NRG3: variants seen among roughly 807,000 people sequenced by gnomAD.
NRG3 encodes pro-neuregulin-3, membrane-bound isoform.
NRG3 carries 31 observed loss-of-function variants against 66.9 expected under a neutral mutation model. The ratio of observed to expected loss-of-function variants is 0.46; its 90% CI spans 0.35 to 0.63. NRG3 has a LOEUF of 0.63. Among genes scored for constraint, NRG3 ranks in the 20% least tolerant of loss-of-function variants. The probability of loss-of-function intolerance (pLI) is 0.00; values close to 1 mark genes in which losing one functional copy is unlikely to be tolerated. For missense variants in NRG3, 910 were observed against 878.9 expected, an observed-to-expected ratio of 1.04 and a Z score of -0.45; for synonymous variants, 393 against 359.4, an observed-to-expected ratio of 1.09 and a Z score of -1.06.
chr10:82,762,350 A>C (rs1340279470), intron 3 of NRG3, among the ~76,000 whole-genome samples: 1 of 152,132 alleles, frequency 6.6e-6, no homozygotes, highest in Non-Finnish European at 1.5e-5. Context: ...AGAATTATAA[A>C]ATTAAATTTT....
chr10:82,601,147 G>T (rs1437193606), intron 2 of NRG3, among the ~76,000 whole-genome samples: 1 of 152,156 alleles, frequency 6.6e-6, no homozygotes, highest in Non-Finnish European at 1.5e-5. Flanking sequence ...TGGCTGTGTA[G>T]TGTTCCATGG....
chr10:82,078,797 G>A (rs1056787360), intron 1 of NRG3, among the ~76,000 whole-genome samples: 3 of 152,180 alleles, frequency 2.0e-5, no homozygotes, highest in African/African-American at 7.2e-5. Context: ...AATGGTGTGG[G>A]GCTCATAAGT....
At chr10:81,922,450 C>T (rs1846344385) in intron 1 of NRG3, among the ~76,000 whole-genome samples, 1 of 152,174 alleles carries the variant, frequency 6.6e-6, no homozygotes. Flanking sequence ...TATTATTCCA[C>T]ACTCTATGTG....
chr10:82,739,396 C>T (rs1200177349), intron 3 of NRG3, among the ~76,000 whole-genome samples: 3 of 152,098 alleles, frequency 2.0e-5, no homozygotes, highest in Non-Finnish European at 4.4e-5. Flanking sequence ...ATTGAATCAG[C>T]GATTTAGTTT....
intron 2 of NRG3, among the ~76,000 whole-genome samples, chr10:82,601,060 C>T (rs1173694614): frequency 1.3e-5 from 2 of 152,142 alleles, no homozygotes; most frequent in African/African-American, 4.8e-5. Context: ...TTTTCTGTTT[C>T]TATGTCAGTT....
intron 2 of NRG3, among the ~76,000 whole-genome samples, chr10:82,359,111 A>G (rs1354662114): frequency 6.6e-6 from 1 of 152,242 alleles, no homozygotes; most frequent in East Asian, 1.9e-4. Flanking sequence ...ACAAAGATTT[A>G]CTTTTAGATC....
chr10:82,243,370 C>T (rs1011057006), intron 1 of NRG3, among the ~76,000 whole-genome samples: 1 of 151,896 alleles, frequency 6.6e-6, no homozygotes, highest in Non-Finnish European at 1.5e-5. Context: ...ATGGAGAAGA[C>T]ATAATCAAAG....
chr10:82,344,085 T>A (rs11595415), intron 1 of NRG3, among the ~76,000 whole-genome samples: 1 of 151,726 alleles, frequency 6.6e-6, no homozygotes, highest in Admixed American at 6.6e-5. Context: ...TATTATACTT[T>A]AAGTTTTAGG....
chr10:82,932,669 G>A (rs538849774), intron 4 of NRG3, among the ~76,000 whole-genome samples: 9 of 152,258 alleles, frequency 5.9e-5, no homozygotes, highest in South Asian at 2.1e-4. Flanking sequence ...ACAGTGGAGC[G>A]TCTGGCACTC....
At chr10:82,149,705 CTGTT>C (rs1280667560) in intron 1 of NRG3, among the ~76,000 whole-genome samples, 1 of 140,566 alleles carries the variant, frequency 7.1e-6, no homozygotes, top group Non-Finnish European at 1.5e-5. Context: ...TTAGAAAGCT[CTGTT>C]TTTTTTTTTT....
intron 1 of NRG3, among the ~76,000 whole-genome samples, chr10:82,339,212 A>G (rs1165117646): frequency 6.6e-6 from 1 of 152,236 alleles, no homozygotes; most frequent in Non-Finnish European, 1.5e-5. Flanking sequence ...GTGACATTTT[A>G]GGGGTTAATG....
At chr10:82,150,536 A>C (rs1392138922) in intron 1 of NRG3, among the ~76,000 whole-genome samples, 7 of 148,468 alleles carry the variant, frequency 4.7e-5, no homozygotes, top group Admixed American at 6.7e-5. Flanking sequence ...CACACAAAAA[A>C]AAAAAAAAAA....
At chr10:82,312,210 G>A (rs908639373) in intron 1 of NRG3, among the ~76,000 whole-genome samples, 10 of 152,094 alleles carry the variant, frequency 6.6e-5, no homozygotes, top group African/African-American at 2.4e-4. Context: ...CACAGGAAAC[G>A]ATCAAAAGAA....
At chr10:82,608,835 C>T (rs772700909) in intron 2 of NRG3, among the ~76,000 whole-genome samples, 3 of 152,048 alleles carry the variant, frequency 2.0e-5, no homozygotes, top group Non-Finnish European at 2.9e-5. Context: ...CCCCCTGACT[C>T]ACACACACAA....
At chr10:81,943,049 A>G (rs752109865) in intron 1 of NRG3, among the ~76,000 whole-genome samples, 3 of 152,094 alleles carry the variant, frequency 2.0e-5, no homozygotes, top group East Asian at 3.9e-4. Flanking sequence ...ACATGGACAT[A>G]TTTTACACTT....
rs1054279536 is a variant in NRG3 at position 82,413,017 on chromosome 10, T to A, written c.953+54149T>A. Among the ~76,000 whole-genome samples the A allele has an allele frequency of 3.9e-5, 6 of 152,256 alleles. No homozygotes were observed. In the East Asian group the frequency reaches 7.7e-4, roughly 20 times the overall value. On this transcript the variant is annotated intron_variant, in intron 2 of 8. Transcript: ENST00000372141. ...CACTGAAGTCTTGAACCCCTCAAAA[T>A]CATCCATGAGAGTTGGAATCAACTT...
intron 1 of NRG3, among the ~76,000 whole-genome samples, chr10:82,126,918 C>T (rs984652494): frequency 1.3e-4 from 20 of 152,034 alleles, no homozygotes; most frequent in Non-Finnish European, 2.5e-4. Flanking sequence ...GTGCCCTAGT[C>T]GTAAGCTAGA....
intron 4 of NRG3, among the ~76,000 whole-genome samples, chr10:82,879,513 C>T (rs539684685): frequency 1.4e-5 from 2 of 143,760 alleles, no homozygotes; most frequent in South Asian, 4.3e-4. Flanking sequence ...CCCTCTGTCG[C>T]CCAGGCTGGA....
intron 2 of NRG3, among the ~76,000 whole-genome samples, chr10:82,623,951 T>C (rs2049226842): frequency 6.6e-6 from 1 of 152,142 alleles, no homozygotes; most frequent in Non-Finnish European, 1.5e-5. Context: ...AGATCAACAC[T>C]TTCAAACTCC....
Sources: allele counts gnomAD v4.1 joint callset (sites outside exome capture counted in the v4.1 genomes callset), GRCh38; gene constraint gnomAD v4.1.1; transcripts MANE v1.5; gene names NCBI Gene and HGNC (gene_info 2026-07-23, HGNC 2026-07-21).